Variants in CSMD1 observed in about 807,000 individuals in gnomAD.
CSMD1 encodes the protein CUB and sushi domain-containing protein 1.
CSMD1 carries 213 observed loss-of-function variants against 417.5 expected under a neutral mutation model. That is an observed-to-expected ratio of 0.51 (90% CI 0.46 to 0.57). The LOEUF (loss-of-function observed/expected upper bound fraction) is 0.57, where lower values mean the gene tolerates loss of function less well. Ranked by LOEUF, CSMD1 falls within the 20% of genes least tolerant of loss-of-function variation. The pLI, the probability that CSMD1 is intolerant of heterozygous loss-of-function variation, is 0.00. For synonymous variants in CSMD1, 2,862 were observed against 1,736.8 expected, an observed-to-expected ratio of 1.65 and a Z score of -16.11; for missense variants, 6,923 against 4,529.7, an observed-to-expected ratio of 1.53 and a Z score of -15.17.
intron 22 of CSMD1, among the ~76,000 whole-genome samples, chr8:3,344,120 C>G (rs569256527): frequency 6.6e-6 from 1 of 152,142 alleles, no homozygotes; most frequent in Non-Finnish European, 1.5e-5. Flanking sequence ...ATAAGGAAGA[C>G]AAGGCTTGGT....
At chr8:4,093,820 G>C (rs944987945) in intron 3 of CSMD1, among the ~76,000 whole-genome samples, 3 of 152,052 alleles carry the variant, frequency 2.0e-5, no homozygotes, top group East Asian at 1.9e-4. Context: ...AAGTAGCTGG[G>C]TGTGGTGGTG....
intron 3 of CSMD1, among the ~76,000 whole-genome samples, chr8:4,103,776 C>A (rs1801425430): frequency 6.6e-6 from 1 of 152,140 alleles, no homozygotes; most frequent in Non-Finnish European, 1.5e-5. Context: ...ACAAAAGTTA[C>A]CTGCTTCAAA....
At chr8:3,553,565 A>G (rs1799011654) in intron 10 of CSMD1, among the ~76,000 whole-genome samples, 1 of 152,232 alleles carries the variant, frequency 6.6e-6, no homozygotes, top group South Asian at 2.1e-4. Flanking sequence ...TCCAACAATT[A>G]CAGCTCTACC....
intron 1 of CSMD1, among the ~76,000 whole-genome samples, chr8:4,954,999 G>T (rs999022660): frequency 2.0e-5 from 3 of 152,052 alleles, no homozygotes; most frequent in African/African-American, 4.8e-5. Context: ...GGTTTTCAAT[G>T]TTCTTTCTTA....
At chr8:4,297,644 C>T (rs567705334) in intron 3 of CSMD1, among the ~76,000 whole-genome samples, 4 of 152,232 alleles carry the variant, frequency 2.6e-5, no homozygotes, top group Admixed American at 2.0e-4. Context: ...CAAAAGTTCA[C>T]ACTAGGGTTT....
chr8:3,975,632 G>A (rs574291200), intron 5 of CSMD1, among the ~76,000 whole-genome samples: 127 of 152,272 alleles, frequency 8.3e-4, no homozygotes, highest in African/African-American at 2.9e-3. Flanking sequence ...TAAAGTGCCT[G>A]TAGGTGCCCA....
intron 12 of CSMD1, among the ~76,000 whole-genome samples, chr8:3,446,186 A>T (rs1448505798): frequency 6.6e-6 from 1 of 152,056 alleles, no homozygotes; most frequent in Non-Finnish European, 1.5e-5. Context: ...AAAGAGGATG[A>T]GGGAGAAAAA....
chr8:4,688,929 C>G (rs996543380), intron 1 of CSMD1, among the ~76,000 whole-genome samples: 1 of 152,190 alleles, frequency 6.6e-6, no homozygotes, highest in African/African-American at 2.4e-5. Flanking sequence ...TCCATTAAAG[C>G]ATTCACTTTC....
At chr8:4,816,962 A>C (rs535856728) in intron 1 of CSMD1, among the ~76,000 whole-genome samples, 1 of 152,170 alleles carries the variant, frequency 6.6e-6, no homozygotes, top group Non-Finnish European at 1.5e-5. Context: ...GACAGCTACC[A>C]TTTAACAGTA....
chr8:4,417,220 T>A (rs1480859822), intron 3 of CSMD1, among the ~76,000 whole-genome samples: 1 of 152,066 alleles, frequency 6.6e-6, no homozygotes, highest in Non-Finnish European at 1.5e-5. Flanking sequence ...CCACTGGATT[T>A]CCAGAGTTAA....
chr8:4,574,834 C>A (rs1799063103), intron 2 of CSMD1, among the ~76,000 whole-genome samples: 1 of 152,162 alleles, frequency 6.6e-6, no homozygotes, highest in South Asian at 2.1e-4. Context: ...CAACAAAAAT[C>A]TTTCATGATT....
intron 7 of CSMD1, among the ~76,000 whole-genome samples, chr8:3,659,477 G>A (rs1798301520): frequency 6.6e-6 from 1 of 152,162 alleles, no homozygotes; most frequent in African/African-American, 2.4e-5. Flanking sequence ...CACAGAAGCA[G>A]ATGCGTTTCA....
At chr8:3,868,111 A>C (rs1805231963) in intron 5 of CSMD1, among the ~76,000 whole-genome samples, 1 of 152,002 alleles carries the variant, frequency 6.6e-6, no homozygotes, top group Non-Finnish European at 1.5e-5. Flanking sequence ...ACAGTATTTA[A>C]ATTATCCTAG....
chr8:4,166,373 T>C (rs1054474848), intron 3 of CSMD1, among the ~76,000 whole-genome samples: 2 of 152,206 alleles, frequency 1.3e-5, no homozygotes, highest in Non-Finnish European at 2.9e-5. Context: ...GTTATTTGGA[T>C]GCTAAAGTTC....
At chr8:4,200,136 T>C (rs2131250743) in intron 3 of CSMD1, among the ~76,000 whole-genome samples, 1 of 152,334 alleles carries the variant, frequency 6.6e-6, no homozygotes, top group South Asian at 2.1e-4. Context: ...ATTTCCTTCC[T>C]TTAACATTAT....
chr8:3,708,318 G>A, intron 7 of CSMD1, 96 bp downstream of exon 7: 1 of 911,658 alleles, frequency 1.1e-6, no homozygotes, highest in South Asian at 1.4e-5. Context: ...AGATAACGTG[G>A]GGAAGGTGGT....
chr8:4,957,293 G>A (rs757756821), intron 1 of CSMD1, among the ~76,000 whole-genome samples: 28 of 152,278 alleles, frequency 1.8e-4, no homozygotes, highest in African/African-American at 6.7e-4. Flanking sequence ...CACACAAAGG[G>A]CAAAGCCCCT....
At chr8:3,142,061 T>C (rs888378867) in intron 41 of CSMD1, among the ~76,000 whole-genome samples, 4 of 152,120 alleles carry the variant, frequency 2.6e-5, no homozygotes, top group South Asian at 2.1e-4. Flanking sequence ...CCTTCCAAAG[T>C]GCTGGGATTA....
chr8:4,464,822 G>C (rs372549311), intron 2 of CSMD1, among the ~76,000 whole-genome samples: 2 of 152,148 alleles, frequency 1.3e-5, no homozygotes, highest in African/African-American at 2.4e-5. Flanking sequence ...TTGAAGTTTT[G>C]GGAGGAAAGT....
Sources: allele counts gnomAD v4.1 joint callset (sites outside exome capture counted in the v4.1 genomes callset), GRCh38; gene constraint gnomAD v4.1.1; transcripts MANE v1.5; gene names NCBI Gene and HGNC (gene_info 2026-07-23, HGNC 2026-07-21).